FAT3: variants seen among roughly 807,000 people sequenced by gnomAD.
FAT3 encodes FAT atypical cadherin 3.
FAT3 carries 95 observed loss-of-function variants against 310.2 expected under a neutral mutation model. The observed-to-expected ratio is 0.31, with a 90% CI of 0.26 to 0.36. The LOEUF (loss-of-function observed/expected upper bound fraction) is 0.36, where lower values mean the gene tolerates loss of function less well. FAT3 is among the 10% of genes least tolerant of loss of function. The pLI is 1.00. For synonymous variants in FAT3, 2,314 were observed against 2,192.9 expected (o/e 1.06, Z -1.54); for missense variants, 5,408 against 5,715.6 (o/e 0.95, Z 1.74).
At position 92,774,044 on chromosome 11, in the gene FAT3, G is replaced by T; in HGVS notation, c.4199G>T (p.Gly1400Val). The change falls in exon 7 of 28, where the codon GGG becomes GTG. Residue 1400 changes from glycine (G) to valine (V), a missense_variant. This residue lies in a region of FAT3 where 4,588 missense variants were observed against 4,809.8 expected (regional missense o/e 0.95). Transcript: ENST00000525166. Reference protein sequence around the residue: ...NTPLWFDIVGGNFDSAFDAEK... With the variant: ...NTPLWFDIVGVNFDSAFDAEK... ...CATGTTTCTGTGAAATCATCAGGGG[G>T]GAATTTTGACAGCGCTTTTGATGCA... is the stretch of plus-strand genomic sequence containing the variant. 1.2e-6 allele frequency: 2 copies of T among 1,612,752 alleles called. No homozygotes were observed. The highest frequency in any genetic ancestry group is 1.7e-6 in the Non-Finnish European group (2 of 1,179,438).
At chr11:92,537,969 T>C (rs1258727589) in intron 3 of FAT3, among the ~76,000 whole-genome samples, 1 of 152,086 alleles carries the variant, frequency 6.6e-6, no homozygotes, top group East Asian at 1.9e-4. Flanking sequence ...TTATAAGTCA[T>C]GTTATTGCTG....
At chr11:92,681,088 A>G (rs1311658996) in intron 3 of FAT3, among the ~76,000 whole-genome samples, 2 of 152,264 alleles carry the variant, frequency 1.3e-5, no homozygotes, top group East Asian at 3.8e-4. Context: ...TTCAAGAGTC[A>G]TTTAGTGAGG....
At position 92,801,221 on chromosome 11, in the gene FAT3, G is replaced by A; in HGVS notation, c.8208G>A (p.Gln2736=). Reference sequence around the variant, plus strand: ...ACACCCTGAGGATTTTGCCCAGTCAGAATGTCTGGTTCAGCACAGTTAATG... The same window carrying A: ...ACACCCTGAGGATTTTGCCCAGTCAAAATGTCTGGTTCAGCACAGTTAATG... ...TVDTLRILPS[Q]NVWFSTVNGE... is the part of the protein sequence containing the mutation. The change falls in exon 10 of 28, where the codon CAG becomes CAA. Residue 2736 remains glutamine (Q), a synonymous_variant. Transcript: ENST00000525166. 1.2e-6 allele frequency: 2 copies of A among 1,613,864 alleles called. No individual in the cohort carries two copies. Among genetic ancestry groups the A allele is most frequent in the South Asian group, 1.1e-5 (1 of 91,066 alleles).
intron 2 of FAT3, among the ~76,000 whole-genome samples, chr11:92,450,314 C>T (rs1951322965): frequency 6.6e-6 from 1 of 152,176 alleles, no homozygotes; most frequent in East Asian, 1.9e-4. Context: ...TCTTCAAGGA[C>T]AGCTTGCACA....
intron 1 of FAT3, among the ~76,000 whole-genome samples, chr11:92,294,193 G>A (rs1185129775): frequency 6.6e-6 from 1 of 152,008 alleles, no homozygotes; most frequent in African/African-American, 2.4e-5. Flanking sequence ...TTTCCTTGGT[G>A]CATGCATGCA....
At position 92,842,755 on chromosome 11, in the gene FAT3, T is replaced by C. The variant is rs192353740; in HGVS notation, c.10567-1179T>C. ...GTAGCCTGGTGTGGTGGTGCACACCTATATTCCCAGCTACTCAGGAGGCTG... is the reference window on the plus strand; with the variant it reads ...GTAGCCTGGTGTGGTGGTGCACACCCATATTCCCAGCTACTCAGGAGGCTG... On this transcript the variant is annotated intron_variant, in intron 18 of 27. Transcript: ENST00000525166. Among the ~76,000 whole-genome samples the C allele has an allele frequency of 2.4e-3, 367 of 152,280 alleles. 3 individuals are homozygous for C. Among genetic ancestry groups the C allele is most frequent in the Non-Finnish European group, 3.9e-3 (264 of 68,024 alleles).
chr11:92,638,588 C>T (rs777982942), intron 3 of FAT3, among the ~76,000 whole-genome samples: 1 of 152,092 alleles, frequency 6.6e-6, no homozygotes, highest in Non-Finnish European at 1.5e-5. Flanking sequence ...TGTGGTTCCC[C>T]TACTTTTTGC....
In FAT3 at chr11:92,800,380, A is replaced by G; in HGVS notation, c.7367A>G (p.His2456Arg). 1 of 1,613,964 alleles carries G rather than the reference A, an allele frequency of 6.2e-7. No individual in the cohort carries two copies. The highest frequency in any genetic ancestry group is 8.5e-7 in the Non-Finnish European group (1 of 1,179,880). Residue 2456 changes from histidine to arginine, a missense_variant, in exon 10 of 28, where the codon CAT (histidine) becomes CGT (arginine). This residue lies in a region of FAT3 where 4,588 missense variants were observed against 4,809.8 expected (regional missense o/e 0.95). Coordinates refer to ENST00000525166, the MANE Select transcript of FAT3 (RefSeq NM_001367949.2). ...AGTGGAGTTATCACATTGTCCAACC[A>G]TCGGAAGCAGCGGATGGAGCCTCTG... ...SKSGVITLSN[H>R]RKQRMEPLYS... is the part of the protein sequence containing the mutation.
intron 7 of FAT3, among the ~76,000 whole-genome samples, chr11:92,775,748 A>C (rs1591716739): frequency 6.6e-6 from 1 of 152,220 alleles, no homozygotes; most frequent in East Asian, 1.9e-4. Flanking sequence ...TAAAATATGA[A>C]ATTCAGTAAA....
chr11:92,306,022 A>G (rs1459027751), intron 1 of FAT3, among the ~76,000 whole-genome samples: 1 of 151,998 alleles, frequency 6.6e-6, no homozygotes, highest in East Asian at 1.9e-4. Flanking sequence ...GTATGTGGAA[A>G]CTCTTTGAAC....
chr11:92,308,669 C>A (rs1947204471), intron 1 of FAT3, among the ~76,000 whole-genome samples: 1 of 152,086 alleles, frequency 6.6e-6, no homozygotes, highest in South Asian at 2.1e-4. Flanking sequence ...TGTGGAACAG[C>A]CCTCTGGTCA....
At chr11:92,302,749 A>T (rs1028134621) in intron 1 of FAT3, among the ~76,000 whole-genome samples, 6 of 152,118 alleles carry the variant, frequency 3.9e-5, no homozygotes, top group African/African-American at 1.4e-4. Context: ...TTTATTAATC[A>T]TTTAACAATT....
At chr11:92,486,130 GTTTTTTTTTTTTTT>G (rs71064714) in intron 2 of FAT3, among the ~76,000 whole-genome samples, 7 of 37,142 alleles carry the variant, frequency 1.9e-4, no homozygotes, top group Admixed American at 7.0e-4. Flanking sequence ...GGCTGCTGGG[GTTTTTTTTTTTTTT>G]TTTTTTTTTT....
intron 2 of FAT3, among the ~76,000 whole-genome samples, chr11:92,465,274 G>T (rs181579686): frequency 6.3e-4 from 96 of 152,292 alleles, no homozygotes; most frequent in African/African-American, 2.3e-3. Context: ...ACATTGGTTA[G>T]CATTGTGCCA....
chr11:92,536,367 G>A (rs1232264196), intron 3 of FAT3, among the ~76,000 whole-genome samples: 1 of 152,158 alleles, frequency 6.6e-6, no homozygotes, highest in Admixed American at 6.5e-5. Context: ...GCTAGATGGA[G>A]TAGTAATCAT....
At chr11:92,700,740 C>A (rs1944074694) in intron 4 of FAT3, among the ~76,000 whole-genome samples, 1 of 152,102 alleles carries the variant, frequency 6.6e-6, no homozygotes, top group South Asian at 2.1e-4. Flanking sequence ...AATAAATCTG[C>A]TAAGGCTTTC....
chr11:92,824,110 A>C (rs1948041444), intron 13 of FAT3, among the ~76,000 whole-genome samples: 1 of 152,156 alleles, frequency 6.6e-6, no homozygotes, highest in Admixed American at 6.5e-5. Flanking sequence ...TAATCCCAAC[A>C]CTTTGGGAGG....
intron 3 of FAT3, among the ~76,000 whole-genome samples, chr11:92,556,152 T>G (rs1459268114): frequency 2.0e-5 from 3 of 152,224 alleles, no homozygotes; most frequent in African/African-American, 7.2e-5. Context: ...TGTAGAGGGC[T>G]GCACTTTTCT....
intron 7 of FAT3, among the ~76,000 whole-genome samples, chr11:92,775,822 C>A (rs1321503300): frequency 2.0e-5 from 3 of 152,136 alleles, no homozygotes; most frequent in Non-Finnish European, 4.4e-5. Context: ...CATTAACTCT[C>A]AAAATTGCCC....
Sources: gnomAD v4.1 joint callset for allele counts (sites outside exome capture counted in the v4.1 genomes callset) on GRCh38, gnomAD v4.1.1 for gene constraint, gnomAD v4.1.1 regional missense constraint, MANE v1.5 for transcripts, NCBI Gene and HGNC (gene_info 2026-07-23, HGNC 2026-07-21) for gene names.